The following COL11A1 variants were observed in gnomAD, a reference collection of about 807,000 sequenced individuals.
COL11A1 encodes the protein collagen alpha-1(XI) chain.
COL11A1 carries 74 observed loss-of-function variants against 265.2 expected under a neutral mutation model. The observed-to-expected ratio is 0.28, with a 90% confidence interval of 0.23 to 0.34. The LOEUF is 0.34. COL11A1 is among the 10% of genes least tolerant of loss of function. The pLI is 1.00. For synonymous variants in COL11A1, 816 were observed against 727.6 expected (o/e 1.12, Z -1.96); for missense variants, 2,165 against 2,263.6 (o/e 0.96, Z 0.88).
chr1:103,009,085 T>C (rs951238303), intron 14 of COL11A1, among the ~76,000 whole-genome samples: 1 of 152,180 alleles, frequency 6.6e-6, no homozygotes, highest in African/African-American at 2.4e-5. Context: ...TGAGAATAAG[T>C]CTGTATAACA....
chr1:102,954,457 TAG>T (rs1660170455), intron 41 of COL11A1, among the ~76,000 whole-genome samples: 1 of 152,054 alleles, frequency 6.6e-6, no homozygotes, highest in Non-Finnish European at 1.5e-5. Flanking sequence ...TGCCGCCCAC[TAG>T]AGAGAAAAAT....
At chr1:103,041,548 G>C (rs2102053440) in intron 4 of COL11A1, among the ~76,000 whole-genome samples, 1 of 151,836 alleles carries the variant, frequency 6.6e-6, no homozygotes, top group South Asian at 2.1e-4. Context: ...TTGCTCTGTT[G>C]CAATCCTCTA....
chr1:103,070,392 A>T (rs1041627538), intron 4 of COL11A1, among the ~76,000 whole-genome samples: 1 of 151,648 alleles, frequency 6.6e-6, no homozygotes, highest in African/African-American at 2.4e-5. Context: ...TTGAAAAACC[A>T]ATCAACATAA....
chr1:102,962,905 G>T, intron 38 of COL11A1, 145 bp from the exon 39 acceptor site: 1 of 723,138 alleles, frequency 1.4e-6, no homozygotes. Flanking sequence ...TTCACATAAA[G>T]CACTGAAAGT....
At chr1:102,936,560 A>G (rs1306970820) in intron 44 of COL11A1, among the ~76,000 whole-genome samples, 1 of 152,174 alleles carries the variant, frequency 6.6e-6, no homozygotes, top group Non-Finnish European at 1.5e-5. Flanking sequence ...AATTTTGGAA[A>G]TGTCTCATCT....
chr1:103,027,358 T>C (rs1226577255), intron 5 of COL11A1, among the ~76,000 whole-genome samples: 1 of 141,888 alleles, frequency 7.0e-6, no homozygotes, highest in Non-Finnish European at 1.5e-5. Context: ...AAGTCATATG[T>C]AGCATAAAAA....
intron 30 of COL11A1, among the ~76,000 whole-genome samples, chr1:102,984,804 A>G (rs562719372): frequency 6.6e-6 from 1 of 152,200 alleles, no homozygotes; most frequent in African/African-American, 2.4e-5. Flanking sequence ...GCTTTAGCTA[A>G]TAATGATGGT....
chr1:102,880,163 A>C, intron 65 of COL11A1: 1 of 469,090 alleles, frequency 2.1e-6, no homozygotes, highest in African/African-American at 1.9e-5. Context: ...CTTTATCTCT[A>C]AGTCTTAGTT....
intron 30 of COL11A1, among the ~76,000 whole-genome samples, chr1:102,986,537 T>TA (rs1264425648): frequency 6.6e-6 from 1 of 152,082 alleles, no homozygotes; most frequent in Non-Finnish European, 1.5e-5. Flanking sequence ...CGTTGTGCAT[T>TA]AAAGTATAGT....
intron 47 of COL11A1, 141 bp from the exon 48 acceptor site, chr1:102,921,712 T>C: frequency 1.5e-6 from 1 of 688,280 alleles, no homozygotes; most frequent in Non-Finnish European, 2.6e-6. Flanking sequence ...TTATAAGTCA[T>C]CCTTCATGGA....
At chr1:102,913,197 G>A (rs1654899233) in intron 53 of COL11A1, among the ~76,000 whole-genome samples, 1 of 151,178 alleles carries the variant, frequency 6.6e-6, no homozygotes, top group African/African-American at 2.4e-5. Context: ...GTACACTCCT[G>A]TATCATTCAC....
In COL11A1 at chr1:103,017,901, T is replaced by A. The variant is rs1666695248; in HGVS notation, c.1351-19A>T. The stretch of plus-strand genomic sequence containing the variant: ...TAATACCCTATAGAGAAACACACCA[T>A]ATCTTAATCAGATTCCTAATCTCAT... On this transcript the variant is annotated intron_variant, in intron 10 of 66. Transcript: ENST00000370096. 2 of 1,585,734 alleles carry A rather than the reference T, an allele frequency of 1.3e-6. No individual in the cohort carries two copies. Among genetic ancestry groups the A allele is most frequent in the African/African-American group, 2.7e-5 (2 of 74,338 alleles).
intron 4 of COL11A1, among the ~76,000 whole-genome samples, chr1:103,046,017 G>A (rs6701888): frequency 0.67 from 101,594 of 150,912 alleles, 36,100 homozygotes; most frequent in East Asian, 0.93. Context: ...CCAGTCTATC[G>A]TTGTTGGACA....
chr1:103,004,621 T>G lies in COL11A1; in HGVS notation c.1886A>C (p.Asp629Ala). 2 of 1,610,828 alleles carry G rather than the reference T, an allele frequency of 1.2e-6. No individual in the cohort carries two copies. Among genetic ancestry groups the G allele is most frequent in the Non-Finnish European group, 1.7e-6 (2 of 1,178,608 alleles). ...GTATTAACATACCCTCATTCCATCA[T>G]CACCAGGAGGACCTGGAGGACCTTG... is the stretch of plus-strand genomic sequence containing the variant. Reference protein sequence around the residue: ...GPQGPPGPPGDDGMRGEDGEI... With the variant: ...GPQGPPGPPGADGMRGEDGEI... Residue 629 changes from aspartate (D) to alanine (A), a missense_variant, in exon 19 of 67, where the codon GAT becomes GCT. Asp to Ala is a moderately radical substitution (Grantham distance 126). Coordinates refer to ENST00000370096, the MANE Select transcript of COL11A1 (RefSeq NM_001854.4).
intron 43 of COL11A1, 142 bp downstream of exon 43, chr1:102,940,185 G>C: frequency 1.4e-6 from 1 of 703,068 alleles, no homozygotes; most frequent in Non-Finnish European, 2.6e-6. Context: ...TAAAACTTTT[G>C]AGCATATGAA....
intron 8 of COL11A1, 72 bp from the exon 9 acceptor site, chr1:103,021,841 T>A: frequency 8.7e-7 from 1 of 1,154,688 alleles, no homozygotes; most frequent in Non-Finnish European, 1.3e-6. Flanking sequence ...TTTTCTTCTT[T>A]TTTTTTTTCT....
intron 31 of COL11A1, among the ~76,000 whole-genome samples, chr1:102,979,964 T>C (rs1330179119): frequency 6.6e-6 from 1 of 152,164 alleles, no homozygotes; most frequent in Non-Finnish European, 1.5e-5. Context: ...CGATTTGGTA[T>C]TTGAATACAA....
At chr1:103,015,787 A>ATTTTG in intron 11 of COL11A1, 45 bp from the exon 12 acceptor site, 2 of 1,274,544 alleles carry the variant, frequency 1.6e-6, no homozygotes, top group East Asian at 2.5e-5. Flanking sequence ...ATATCAAAAT[A>ATTTTG]ATATTTACTA....
intron 4 of COL11A1, among the ~76,000 whole-genome samples, chr1:103,044,404 G>A (rs1404747001): frequency 1.3e-5 from 2 of 151,926 alleles, no homozygotes; most frequent in Non-Finnish European, 2.9e-5. Flanking sequence ...TAAGAAACCA[G>A]CTTTGAGAAA....
Sources: allele counts gnomAD v4.1 joint callset (sites outside exome capture counted in the v4.1 genomes callset), GRCh38; gene constraint gnomAD v4.1.1; transcripts MANE v1.5; gene names NCBI Gene and HGNC (gene_info 2026-07-23, HGNC 2026-07-21).